MALRD1: variants seen among roughly 807,000 people sequenced by gnomAD.
MALRD1 encodes the protein MAM and LDL-receptor class A domain-containing protein 1.
MALRD1 carries 247 observed loss-of-function variants against 242.1 expected under a neutral mutation model. That is an observed-to-expected ratio of 1.02 (90% confidence interval 0.92 to 1.13). MALRD1 has a LOEUF of 1.13. Ranked by LOEUF, MALRD1 falls within the 50% of genes most tolerant of loss-of-function variation. MALRD1 has a pLI of 0.00. For missense variants in MALRD1, 2,989 were observed against 2,533.1 expected (o/e 1.18, Z -3.86); for synonymous variants, 995 against 866.6 (o/e 1.15, Z -2.60).
chr10:19,268,044 T>C (rs1840038387), intron 19 of MALRD1, among the ~76,000 whole-genome samples: 1 of 152,258 alleles, frequency 6.6e-6, no homozygotes, highest in Non-Finnish European at 1.5e-5. Flanking sequence ...CATTCTCTCT[T>C]AATTGAGAGA....
At chr10:19,185,043 G>A (rs1835678550) in intron 14 of MALRD1, among the ~76,000 whole-genome samples, 1 of 152,102 alleles carries the variant, frequency 6.6e-6, no homozygotes, top group Admixed American at 6.6e-5. Context: ...CAAATACTTT[G>A]TTTCCTCAAG....
At chr10:19,182,030 T>A (rs879814787) in intron 14 of MALRD1, among the ~76,000 whole-genome samples, 1 of 152,050 alleles carries the variant, frequency 6.6e-6, no homozygotes, top group Non-Finnish European at 1.5e-5. Context: ...CAATTTTTTT[T>A]ATTTTATTAT....
intron 21 of MALRD1, among the ~76,000 whole-genome samples, chr10:19,297,245 A>C (rs1419052812): frequency 6.6e-6 from 1 of 151,712 alleles, no homozygotes; most frequent in Non-Finnish European, 1.5e-5. Flanking sequence ...AGAAATATAC[A>C]AGTTCTGTGA....
intron 36 of MALRD1, among the ~76,000 whole-genome samples, chr10:19,621,351 T>TAAAAAAAAAAAAAAAAAAAA (rs56041015): frequency 8.2e-6 from 1 of 121,872 alleles, no homozygotes. Flanking sequence ...TAAAAATATG[T>TAAAAAAAAAAAAAAAAAAAA]AAAAAAAAAA....
At chr10:19,145,255 G>C (rs1376893757) in intron 10 of MALRD1, among the ~76,000 whole-genome samples, 4 of 152,100 alleles carry the variant, frequency 2.6e-5, no homozygotes, top group Non-Finnish European at 2.9e-5. Flanking sequence ...TGCCTATAAA[G>C]TATGCTCCAA....
intron 26 of MALRD1, among the ~76,000 whole-genome samples, chr10:19,386,517 C>A (rs1046642374): frequency 6.6e-6 from 1 of 152,124 alleles, no homozygotes; most frequent in Middle Eastern, 3.4e-3. Context: ...ATATTGTTAC[C>A]CATGACAGTT....
intron 29 of MALRD1, among the ~76,000 whole-genome samples, chr10:19,453,910 C>A (rs1835470259): frequency 6.6e-6 from 1 of 151,864 alleles, no homozygotes. Flanking sequence ...AAACATAAGC[C>A]AAGCATTGTG....
intron 18 of MALRD1, among the ~76,000 whole-genome samples, chr10:19,257,263 A>T (rs543543762): frequency 1.3e-5 from 2 of 152,110 alleles, no homozygotes; most frequent in African/African-American, 2.4e-5. Flanking sequence ...TCTGGTAGAA[A>T]ATCTAGGAGG....
chr10:19,348,038 A>T lies in MALRD1; in HGVS notation c.4149+20A>T. On this transcript the variant is annotated intron_variant, in intron 25 of 39. Transcript: ENST00000454679. ...TGCAAGGTATGGGGAAAATCGAACC[A>T]ACCAACCAAACAAACACAGAATTAT... 2 of 1,544,538 alleles carry T rather than the reference A, an allele frequency of 1.3e-6. No homozygotes were observed. The highest frequency in any genetic ancestry group is 2.4e-5 in the South Asian group (2 of 83,210).
intron 32 of MALRD1, among the ~76,000 whole-genome samples, chr10:19,555,523 G>A (rs191267807): frequency 3.0e-4 from 45 of 152,252 alleles, no homozygotes; most frequent in African/African-American, 9.4e-4. Context: ...ATGTGAAGCT[G>A]TAAGTCAGGA....
intron 36 of MALRD1, among the ~76,000 whole-genome samples, chr10:19,685,634 T>TA (rs1842551820): frequency 6.6e-6 from 1 of 152,158 alleles, no homozygotes; most frequent in South Asian, 2.1e-4. Context: ...ATCAAAGTTA[T>TA]TTTGCTGTTT....
chr10:19,683,013 G>C (rs1842436302), intron 36 of MALRD1, among the ~76,000 whole-genome samples: 1 of 152,116 alleles, frequency 6.6e-6, no homozygotes, highest in African/African-American at 2.4e-5. Context: ...ATGGGTTGAG[G>C]CTGGGCACAG....
intron 36 of MALRD1, among the ~76,000 whole-genome samples, chr10:19,622,153 G>A (rs1839431504): frequency 6.7e-6 from 1 of 149,684 alleles, no homozygotes; most frequent in Non-Finnish European, 1.5e-5. Flanking sequence ...TATTGTACTG[G>A]AGGTAGTCAC....
At chr10:19,237,920 A>C (rs1193127849) in intron 18 of MALRD1, among the ~76,000 whole-genome samples, 43 of 52,548 alleles carry the variant, frequency 8.2e-4, no homozygotes, top group East Asian at 3.7e-3. Flanking sequence ...AGTTATATAT[A>C]ATTATATGTA....
intron 33 of MALRD1, among the ~76,000 whole-genome samples, chr10:19,589,286 T>A (rs1228791657): frequency 9.0e-6 from 1 of 110,880 alleles, no homozygotes; most frequent in Non-Finnish European, 2.0e-5. Context: ...AAATAAAGTA[T>A]GTCTATATAT....
chr10:19,138,952 A>T (rs920475162), intron 10 of MALRD1, among the ~76,000 whole-genome samples: 1 of 152,206 alleles, frequency 6.6e-6, no homozygotes, highest in African/African-American at 2.4e-5. Flanking sequence ...GTTTCTCAAC[A>T]AAAACAGTGT....
intron 24 of MALRD1, 120 bp downstream of exon 24, chr10:19,331,702 G>A (rs1843381255): frequency 1.3e-6 from 1 of 760,620 alleles, no homozygotes; most frequent in Admixed American, 2.6e-5. Context: ...GGAAGGTAAG[G>A]TGATTTAACT....
At chr10:19,159,222 ATG>A (rs754866966) in intron 12 of MALRD1, among the ~76,000 whole-genome samples, 1 of 151,948 alleles carries the variant, frequency 6.6e-6, no homozygotes, top group Non-Finnish European at 1.5e-5. Flanking sequence ...ATGGTGAGGG[ATG>A]TGTGTGTGTG....
intron 33 of MALRD1, among the ~76,000 whole-genome samples, chr10:19,577,448 TGTCAGCCTTTGGAGGA>T (rs1198964056): frequency 1.3e-5 from 2 of 152,314 alleles, no homozygotes; most frequent in East Asian, 3.9e-4. Flanking sequence ...ATTCCCTGCT[TGTCAGCCTTTGGAGGA>T]GTCTGCCTGT....
Sources: gnomAD v4.1 joint callset for allele counts (sites outside exome capture counted in the v4.1 genomes callset) on GRCh38, gnomAD v4.1.1 for gene constraint, MANE v1.5 for transcripts, NCBI Gene and HGNC (gene_info 2026-07-23, HGNC 2026-07-21) for gene names.